The following AFG2A variants were observed in gnomAD, a reference collection of about 807,000 sequenced individuals.
AFG2A encodes AAA ATPase AFG2A, also known as ATPase family gene 2 protein homolog A.
chr4:122,941,802 T>C, the AFG2A span, among the ~76,000 whole-genome samples: 12,614 of 149,290 alleles, frequency 0.084, 717 homozygotes, highest in Middle Eastern at 0.2. Flanking sequence ...TTTTGAGATA[T>C]GTCCCATCAA....
the AFG2A span, among the ~76,000 whole-genome samples, chr4:123,166,514 T>C: frequency 1.3e-5 from 2 of 152,200 alleles, no homozygotes; most frequent in Non-Finnish European, 2.9e-5. Context: ...GAAGTATCAA[T>C]CAAAATTTGA....
the AFG2A span, among the ~76,000 whole-genome samples, chr4:123,034,286 T>C: frequency 2.0e-5 from 3 of 152,124 alleles, no homozygotes; most frequent in South Asian, 2.1e-4. Context: ...TTCCCGTAGA[T>C]AACTGATAAA....
the AFG2A span, chr4:122,936,266 ATAG>A: frequency 1.7e-6 from 1 of 602,206 alleles, no homozygotes; most frequent in Non-Finnish European, 2.6e-6. Flanking sequence ...AATTATAGTG[ATAG>A]TGGTAGAAGT....
the AFG2A span, among the ~76,000 whole-genome samples, chr4:123,044,003 A>G: frequency 6.6e-6 from 1 of 152,224 alleles, no homozygotes; most frequent in African/African-American, 2.4e-5. Flanking sequence ...TGACTGGACT[A>G]CTTCTATCTC....
chr4:123,102,270 A>G, the AFG2A span: 2 of 148,690 alleles, frequency 1.3e-5, no homozygotes, highest in Non-Finnish European at 1.5e-5. Flanking sequence ...CAGGTGTGCA[A>G]AAGTGATTAA....
At chr4:123,041,277 A>ATTTTTTTTTTTTTTTTT in the AFG2A span, among the ~76,000 whole-genome samples, 3 of 118,148 alleles carry the variant, frequency 2.5e-5, no homozygotes, top group Admixed American at 1.9e-4. Flanking sequence ...CGCCCAGCTA[A>ATTTTTTTTTTTTTTTTT]TTTTTTTTTT....
chr4:123,289,955 A>C, the AFG2A span, among the ~76,000 whole-genome samples: 17 of 152,170 alleles, frequency 1.1e-4, no homozygotes, highest in South Asian at 3.5e-3. Flanking sequence ...CTACCAACCC[A>C]TCACCTAAGT....
chr4:123,154,233 TTC>T, the AFG2A span, among the ~76,000 whole-genome samples: 1 of 152,132 alleles, frequency 6.6e-6, no homozygotes, highest in Non-Finnish European at 1.5e-5. Context: ...GCTTTTTTTT[TTC>T]TCATTTTCCA....
chr4:123,221,758 C>A, the AFG2A span, among the ~76,000 whole-genome samples: 1 of 151,892 alleles, frequency 6.6e-6, no homozygotes, highest in African/African-American at 2.4e-5. Flanking sequence ...AACCCCGTCT[C>A]TACTAAAAAT....
At chr4:123,202,457 G>C in the AFG2A span, among the ~76,000 whole-genome samples, 2 of 151,386 alleles carry the variant, frequency 1.3e-5, no homozygotes, top group Non-Finnish European at 2.9e-5. Flanking sequence ...CTCTTATTTT[G>C]TAACTTTTAA....
chr4:122,928,930 T>A, the AFG2A span: 1 of 1,332,582 alleles, frequency 7.5e-7, no homozygotes. Flanking sequence ...GGGTAAAGAC[T>A]GTATTTTGCA....
the AFG2A span, among the ~76,000 whole-genome samples, chr4:123,279,451 A>G: frequency 2.0e-5 from 3 of 152,274 alleles, no homozygotes; most frequent in East Asian, 5.8e-4. Context: ...TAATGTATAT[A>G]AAATATACAT....
At chr4:123,290,940 G>C in the AFG2A span, among the ~76,000 whole-genome samples, 8 of 152,082 alleles carry the variant, frequency 5.3e-5, no homozygotes, top group Admixed American at 5.2e-4. Flanking sequence ...CTTTTCTTAG[G>C]TCTAAGAGCA....
the AFG2A span, among the ~76,000 whole-genome samples, chr4:123,312,148 G>A: frequency 1.3e-5 from 2 of 152,258 alleles, no homozygotes; most frequent in South Asian, 4.1e-4. Flanking sequence ...GCAAAAACAG[G>A]GAGATATCAG....
At chr4:123,216,499 T>C in the AFG2A span, among the ~76,000 whole-genome samples, 1 of 152,142 alleles carries the variant, frequency 6.6e-6, no homozygotes, top group Non-Finnish European at 1.5e-5. Flanking sequence ...GTGATACATA[T>C]ATCTGTATGC....
At chr4:123,311,233 T>G in the AFG2A span, among the ~76,000 whole-genome samples, 3 of 152,180 alleles carry the variant, frequency 2.0e-5, 1 homozygote, top group African/African-American at 7.2e-5. Context: ...CATTCACATT[T>G]CAGGTGGTCA....
At chr4:123,173,613 C>G in the AFG2A span, among the ~76,000 whole-genome samples, 1 of 152,000 alleles carries the variant, frequency 6.6e-6, no homozygotes, top group African/African-American at 2.4e-5. Context: ...CTCAGCCTCC[C>G]AAAGTGCTGG....
chr4:123,315,375 TA>T, the AFG2A span: 712 of 146,598 alleles, frequency 4.9e-3, 7 homozygotes, highest in African/African-American at 0.017. Flanking sequence ...TTTTTTTTTT[TA>T]TTAGAGACAG....
At chr4:123,239,910 A>G in the AFG2A span, among the ~76,000 whole-genome samples, 1 of 152,246 alleles carries the variant, frequency 6.6e-6, no homozygotes, top group Non-Finnish European at 1.5e-5. Context: ...AAGACCCATC[A>G]GTGTGCTGTA....
Sources: allele counts gnomAD v4.1 joint callset (sites outside exome capture counted in the v4.1 genomes callset), GRCh38; gene constraint gnomAD v4.1.1; transcripts MANE v1.5; gene names NCBI Gene and HGNC (gene_info 2026-07-23, HGNC 2026-07-21).